Variants in MFF observed in about 807,000 individuals in gnomAD.
MFF encodes chromosome 2 open reading frame 33.
In MFF, 12 loss-of-function variants were observed where a neutral mutation model predicts 36.9. That is an observed-to-expected ratio of 0.33 (90% confidence interval 0.21 to 0.53). The LOEUF is 0.53. Ranked by LOEUF, MFF falls within the 20% of genes least tolerant of loss-of-function variation. The pLI is 0.95. For missense variants in MFF, 348 were observed against 366.6 expected, an observed-to-expected ratio of 0.95 and a Z score of 0.42; for synonymous variants, 99 against 126.2, an observed-to-expected ratio of 0.78 and a Z score of 1.44.
At chr2:227,343,168 A>ATT (rs147027013) in intron 5 of MFF, among the ~76,000 whole-genome samples, 399 of 146,848 alleles carry the variant, frequency 2.7e-3, no homozygotes, top group African/African-American at 9.3e-3. Flanking sequence ...AGTGATCCCA[A>ATT]TTTTTTTTTT....
chr2:227,354,230 T>C (rs1021888767), intron 7 of MFF, among the ~76,000 whole-genome samples: 1 of 152,212 alleles, frequency 6.6e-6, no homozygotes, highest in African/African-American at 2.4e-5. Context: ...AGTATTTTTA[T>C]TACTTTTAAC....
At position 227,335,149 on chromosome 2, in the gene MFF, A is replaced by G. The variant is rs60621603; in HGVS notation, c.351+2561A>G. On this transcript the variant is annotated intron_variant, in intron 4 of 8. Transcript: ENST00000304593. Reference sequence around the variant, plus strand: ...TGTGCCACTGTACTCCGGTCTGGGCAACAGAGCCAGACTCTGTCTCTCAAA... The same window carrying G: ...TGTGCCACTGTACTCCGGTCTGGGCGACAGAGCCAGACTCTGTCTCTCAAA... Among the ~76,000 whole-genome samples, 1,110 of 145,484 alleles carry G rather than the reference A, an allele frequency of 7.6e-3. 19 individuals carry two copies. Among genetic ancestry groups the G allele is most frequent in the African/African-American group, 0.027 (1,057 of 39,032 alleles).
chr2:227,349,007 A>C (rs2075852793), intron 6 of MFF, among the ~76,000 whole-genome samples: 1 of 152,140 alleles, frequency 6.6e-6, no homozygotes, highest in South Asian at 2.1e-4. Flanking sequence ...TTAACTTTTT[A>C]ATTACAATAA....
At chr2:227,328,140 G>T (rs2074298690) in intron 1 of MFF, among the ~76,000 whole-genome samples, 2 of 151,934 alleles carry the variant, frequency 1.3e-5, no homozygotes. Flanking sequence ...GGAGACGAAG[G>T]CCAGAGGATT....
intron 1 of MFF, among the ~76,000 whole-genome samples, chr2:227,326,075 C>T (rs1381517217): frequency 2.0e-5 from 3 of 152,012 alleles, no homozygotes; most frequent in Non-Finnish European, 4.4e-5. Flanking sequence ...TTCCGCCGAG[C>T]TTCTGACCTT....
intron 1 of MFF, among the ~76,000 whole-genome samples, chr2:227,327,579 G>A (rs1201935415): frequency 6.6e-6 from 1 of 152,184 alleles, no homozygotes; most frequent in East Asian, 1.9e-4. Context: ...TGGCATTTCA[G>A]CATCCACCTT....
In MFF at chr2:227,342,810, C is replaced by T. The variant is rs752060091; in HGVS notation, c.440+2430C>T. 3.8e-5 allele frequency: 61 copies of T among 1,613,208 alleles called. No individual in the cohort carries two copies. The highest frequency in any genetic ancestry group is 2.4e-4 in the South Asian group (22 of 91,040). Reference sequence around the variant, plus strand: ...AGGTTCCAGGCACCGATTTCTGCACCGGAGTACACGTAAGATTTTATCTGC... The same window carrying T: ...AGGTTCCAGGCACCGATTTCTGCACTGGAGTACACGTAAGATTTTATCTGC... On this transcript the variant is annotated intron_variant, in intron 5 of 8. Coordinates refer to ENST00000304593, the MANE Select transcript of MFF (RefSeq NM_001277062.2).
At chr2:227,325,466 C>G (rs2074017535) in intron 1 of MFF, 39 bp downstream of exon 1, 1 of 151,820 alleles carries the variant, frequency 6.6e-6, no homozygotes, top group East Asian at 1.9e-4. Context: ...ACCTGCCGCC[C>G]GAGCTGGCTG....
Position 227,343,060 on chromosome 2 carries a change from C to A in MFF, c.440+2680C>A, listed in dbSNP as rs6740870. On this transcript the variant is annotated intron_variant, in intron 5 of 8. Coordinates refer to ENST00000304593, the MANE Select transcript of MFF (RefSeq NM_001277062.2). ...TTTTGCATGTGTTGGTGAAAGGAAC[C>A]TGAAATATAATATGCACATAAGGAC... Among the ~76,000 whole-genome samples the A allele has an allele frequency of 0.96, 145,890 of 152,184 alleles. 70,150 individuals carry two copies. Among genetic ancestry groups the A allele is most frequent in the East Asian group, 1 (5,177 of 5,182 alleles).
chr2:227,344,093 G>A lies in MFF; in HGVS notation c.441-3133G>A, dbSNP rs571212422. On this transcript the variant is annotated intron_variant, in intron 5 of 8. Coordinates refer to ENST00000304593, the MANE Select transcript of MFF (RefSeq NM_001277062.2). ...ATGAGCCACTGTGCCCAGCCCTGGTGTTGTTTATGTAACTCTTATGTGATA... is the reference window on the plus strand; with the variant it reads ...ATGAGCCACTGTGCCCAGCCCTGGTATTGTTTATGTAACTCTTATGTGATA... 4.8e-4 allele frequency among the ~76,000 whole-genome samples: 73 copies of A among 152,256 alleles called. No individual in the cohort carries two copies. In the South Asian group the frequency reaches 6.8e-3, roughly 14 times the overall value.
Position 227,330,855 on chromosome 2 carries a change from C to A in MFF, c.181+9C>A, listed in dbSNP as rs771342624. 4.9e-6 allele frequency: 7 copies of A among 1,440,324 alleles called. No individual in the cohort carries two copies. The highest frequency in any genetic ancestry group is 6.5e-6 in the Non-Finnish European group (7 of 1,070,616). 89.2% of individuals were successfully genotyped at this position (1,440,324 alleles called of 1,614,324 possible). On this transcript the variant is annotated intron_variant, in intron 3 of 8. Coordinates refer to ENST00000304593, the MANE Select transcript of MFF (RefSeq NM_001277062.2). ...GAGGATTGTTGTAGCAGGTATTTCACCTTTACTTAGAAGGTTGCCTGTTAA... is the reference window on the plus strand; with the variant it reads ...GAGGATTGTTGTAGCAGGTATTTCAACTTTACTTAGAAGGTTGCCTGTTAA...
Position 227,357,267 on chromosome 2 carries a change from A to T in MFF, c.*150A>T. The T allele has an allele frequency of 1.2e-6, 1 of 815,712 alleles. No homozygotes were observed. The allele number at this position is 815,712 out of a possible 1,614,324, so 50.5% of individuals were successfully genotyped here. A position where few individuals can be genotyped will look rare whatever the true frequency, so the allele number is the denominator to read the frequency against. On this transcript the variant is annotated 3_prime_UTR_variant, in exon 9 of 9. Transcript: ENST00000304593. ...TCCAGAAAGTCTGGAGGAAGGACCT[A>T]TATTTGTAGAAGTAAAGGTATATTC...
chr2:227,331,162 C>A (rs1559948163), intron 3 of MFF, among the ~76,000 whole-genome samples: 1 of 152,152 alleles, frequency 6.6e-6, no homozygotes. Context: ...CTGCAAGGTT[C>A]CTTTGTGCCT....
intron 5 of MFF, among the ~76,000 whole-genome samples, chr2:227,345,586 A>G (rs1305749301): frequency 6.6e-6 from 1 of 152,232 alleles, no homozygotes; most frequent in African/African-American, 2.4e-5. Context: ...AATTCTCACA[A>G]GCAGTAAGAG....
In MFF at chr2:227,340,300, A is replaced by G. The variant is rs765977116; in HGVS notation, c.360A>G (p.Ala120=). Residue 120 remains alanine (A), a synonymous_variant, in exon 5 of 9, where the codon GCA becomes GCG. Transcript: ENST00000304593. Reference sequence around the variant, plus strand: ...TCTTTGTGCCTTAACAGATCCGAGCAGTTGGCAGACTAAAAAGAGAGCGGT... The same window carrying G: ...TCTTTGTGCCTTAACAGATCCGAGCGGTTGGCAGACTAAAAAGAGAGCGGT... ...PTTPQNEEIR[A]VGRLKRERSM... 2 of 1,613,714 alleles carry G rather than the reference A, an allele frequency of 1.2e-6. No homozygotes were observed. The highest frequency in any genetic ancestry group is 1.1e-5 in the South Asian group (1 of 91,068).
chr2:227,350,437 G>A (rs145379586), intron 6 of MFF, among the ~76,000 whole-genome samples: 393 of 152,086 alleles, frequency 2.6e-3, no homozygotes, highest in African/African-American at 9.1e-3. Flanking sequence ...TCATTTTTAC[G>A]AGGGGCTTGA....
At chr2:227,352,911 T>C (rs998510706) in intron 7 of MFF, among the ~76,000 whole-genome samples, 10 of 152,220 alleles carry the variant, frequency 6.6e-5, no homozygotes, top group Non-Finnish European at 1.2e-4. Context: ...ATTTTAATGG[T>C]TGCCTGAATT....
At chr2:227,356,935 A>G in intron 8 of MFF, 51 bp from the exon 9 acceptor site, 2 of 1,388,978 alleles carry the variant, frequency 1.4e-6, no homozygotes, top group Non-Finnish European at 2.0e-6. Context: ...TGATTGCCCT[A>G]TTCATTAAAG....
At chr2:227,332,321 A>G in intron 3 of MFF, 98 bp from the exon 4 acceptor site, 1 of 978,594 alleles carries the variant, frequency 1.0e-6, no homozygotes, top group South Asian at 1.6e-5. Context: ...GTATAATTCA[A>G]AAGCAGAAGA....
Sources: gnomAD v4.1 joint callset for allele counts (sites outside exome capture counted in the v4.1 genomes callset) on GRCh38, gnomAD v4.1.1 for gene constraint, MANE v1.5 for transcripts, NCBI Gene and HGNC (gene_info 2026-07-23, HGNC 2026-07-21) for gene names.